The following TCF4 variants were observed in gnomAD, a reference collection of about 807,000 sequenced individuals.
TCF4 encodes transcription factor 4.
Under a neutral mutation model 82.1 loss-of-function variants are expected in TCF4, and 3 were observed. The observed-to-expected ratio is 0.04, with a 90% CI of 0.02 to 0.09. The LOEUF is 0.09. Ranked by LOEUF, TCF4 falls within the 10% of genes least tolerant of loss-of-function variation. The probability of loss-of-function intolerance (pLI) is 1.00; values close to 1 mark genes in which losing one functional copy is unlikely to be tolerated. For missense variants in TCF4, 518 were observed against 852.7 expected (o/e 0.61, Z 4.89); for synonymous variants, 276 against 309.6 (o/e 0.89, Z 1.14).
intron 3 of TCF4, among the ~76,000 whole-genome samples, chr18:55,524,283 C>T (rs995609617): frequency 1.3e-5 from 2 of 151,610 alleles, no homozygotes; most frequent in African/African-American, 2.4e-5. Context: ...CATTAATAAC[C>T]ACCTTATTAA....
intron 2 of TCF4, among the ~76,000 whole-genome samples, chr18:55,601,060 A>G (rs1419798019): frequency 6.6e-6 from 1 of 152,222 alleles, no homozygotes; most frequent in Non-Finnish European, 1.5e-5. Flanking sequence ...ATGCCTGTAT[A>G]TTCTTTCCAA....
chr18:55,472,781 C>T (rs1206246770), intron 3 of TCF4, among the ~76,000 whole-genome samples: 9 of 151,942 alleles, frequency 5.9e-5, no homozygotes, highest in Non-Finnish European at 1.3e-4. Context: ...CAACATTACA[C>T]AGATAAGTTT....
At chr18:55,314,199 C>T (rs564006944) in intron 8 of TCF4, among the ~76,000 whole-genome samples, 26 of 152,222 alleles carry the variant, frequency 1.7e-4, no homozygotes, top group African/African-American at 5.5e-4. Context: ...ACACATTTAT[C>T]CCAACCCCCA....
At position 55,223,483 on chromosome 18, in the gene TCF4, A is replaced by AGTT. The variant is rs1203607020; in HGVS notation, c.*4551_*4552insAAC. On this transcript the variant is annotated 3_prime_UTR_variant, in exon 20 of 20. Transcript: ENST00000354452. ...AAAATGGCACATTTATTGCTACAGA[A>AGTT]CGGTCATGTACATGACTTCATCGAA... is the stretch of plus-strand genomic sequence containing the variant. 6.6e-6 allele frequency: 1 copy of AGTT among 152,614 alleles called. No homozygotes were observed. The highest frequency in any genetic ancestry group is 1.5e-5 in the Non-Finnish European group (1 of 68,036). The allele number at this position is 152,614 out of a possible 1,614,324, so 9.5% of individuals were successfully genotyped here. A position where few individuals can be genotyped will look rare whatever the true frequency, so the allele number is the denominator to read the frequency against.
chr18:55,621,948 T>C (rs1173627219), intron 2 of TCF4, among the ~76,000 whole-genome samples: 2 of 124,858 alleles, frequency 1.6e-5, no homozygotes, highest in Admixed American at 1.0e-4. Flanking sequence ...ATACACTATA[T>C]ATATTATATA....
At chr18:55,370,757 G>T (rs1002701291) in intron 6 of TCF4, among the ~76,000 whole-genome samples, 2 of 152,082 alleles carry the variant, frequency 1.3e-5, no homozygotes, top group African/African-American at 4.8e-5. Flanking sequence ...AAATCAATTT[G>T]CACAAAAAAG....
intron 3 of TCF4, among the ~76,000 whole-genome samples, chr18:55,514,407 A>ACG (rs1223308817): frequency 8.7e-5 from 1 of 11,520 alleles, no homozygotes; most frequent in Non-Finnish European, 1.7e-4. Context: ...CTATCCATGC[A>ACG]CACACACACA....
intron 5 of TCF4, among the ~76,000 whole-genome samples, chr18:55,445,351 T>C (rs2095507337): frequency 2.0e-5 from 3 of 151,918 alleles, no homozygotes. Flanking sequence ...TTATAAATAA[T>C]TATAATTTAT....
At chr18:55,378,777 A>G (rs2091351728) in intron 6 of TCF4, among the ~76,000 whole-genome samples, 1 of 152,218 alleles carries the variant, frequency 6.6e-6, no homozygotes, top group Admixed American at 6.5e-5. Context: ...CTCTAGAAAA[A>G]AGCCAAAACA....
At chr18:55,534,682 G>A (rs963451939) in intron 3 of TCF4, among the ~76,000 whole-genome samples, 3 of 152,178 alleles carry the variant, frequency 2.0e-5, no homozygotes, top group Admixed American at 6.5e-5. Flanking sequence ...CTTCTCAAGT[G>A]AAACTGAAAA....
intron 3 of TCF4, among the ~76,000 whole-genome samples, chr18:55,549,079 T>C (rs899375909): frequency 1.3e-5 from 2 of 152,098 alleles, no homozygotes; most frequent in Non-Finnish European, 2.9e-5. Context: ...GGCAGGTGGA[T>C]CACTTGAGCT....
intron 2 of TCF4, among the ~76,000 whole-genome samples, chr18:55,616,503 T>C (rs890307023): frequency 7.2e-5 from 11 of 152,080 alleles, no homozygotes; most frequent in Non-Finnish European, 1.6e-4. Flanking sequence ...CTGGATCATA[T>C]GGTGTTTCTA....
chr18:55,391,262 G>A (rs539953306), intron 6 of TCF4, among the ~76,000 whole-genome samples: 1 of 152,188 alleles, frequency 6.6e-6, no homozygotes, highest in Non-Finnish European at 1.5e-5. Flanking sequence ...CCACATCCCA[G>A]GGATGGGACT....
chr18:55,528,920 A>C (rs1028564711), intron 3 of TCF4, among the ~76,000 whole-genome samples: 8 of 152,166 alleles, frequency 5.3e-5, no homozygotes, highest in Admixed American at 2.0e-4. Context: ...GCTCATGCCT[A>C]TAATCCCAGT....
At chr18:55,461,682 G>C (rs1201039429) in intron 4 of TCF4, among the ~76,000 whole-genome samples, 1 of 152,020 alleles carries the variant, frequency 6.6e-6, no homozygotes, top group African/African-American at 2.4e-5. Flanking sequence ...AGAATATTAG[G>C]GTTTAACTAG....
At chr18:55,589,283 A>G (rs781712395), upstream of TCF4, 4 of 1,051,616 alleles carry the variant, frequency 3.8e-6, no homozygotes, top group Non-Finnish European at 4.6e-6. Flanking sequence ...TCTGACGGCA[A>G]ATTGAAACGT....
chr18:55,232,650 C>A lies in TCF4; in HGVS notation c.1508G>T (p.Gly503Val). The change falls in exon 17 of 20, where the codon GGG (glycine) becomes GTG (valine). Residue 503 changes from glycine (G) to valine (V), a missense_variant. Physicochemically the swap from Gly to Val is moderately radical, Grantham distance 109 (BLOSUM62 -3). Around this residue, in one of 7 missense-constraint regions of TCF4, gnomAD observed 144 missense variants for 190.2 expected, o/e 0.76. Coordinates refer to ENST00000354452, the MANE Select transcript of TCF4 (RefSeq NM_001083962.2). ...PYRGMPPGLQ[G>V]QSVSSGSSEI... ...AGAGCTGCCAGAGGAGACACTCTGC[C>A]CCTGTAGTCCTGGTGGCATGCCTGC... is the stretch of plus-strand genomic sequence containing the variant. 1.2e-6 allele frequency: 2 copies of A among 1,614,134 alleles called. No homozygotes were observed. Among genetic ancestry groups the A allele is most frequent in the Non-Finnish European group, 8.5e-7 (1 of 1,180,014 alleles).
At chr18:55,397,169 T>C (rs1306985866) in intron 6 of TCF4, among the ~76,000 whole-genome samples, 3 of 152,214 alleles carry the variant, frequency 2.0e-5, no homozygotes, top group Non-Finnish European at 4.4e-5. Flanking sequence ...TGCCAAGTGA[T>C]TAAAGTTAGC....
At chr18:55,333,904 CCT>C (rs1489248826) in intron 8 of TCF4, among the ~76,000 whole-genome samples, 1 of 152,096 alleles carries the variant, frequency 6.6e-6, no homozygotes, top group Non-Finnish European at 1.5e-5. Context: ...AGAACTTTGC[CCT>C]GAGTTCACAA....
Sources: gnomAD v4.1 joint callset for allele counts (sites outside exome capture counted in the v4.1 genomes callset) on GRCh38, gnomAD v4.1.1 for gene constraint, gnomAD v4.1.1 regional missense constraint, MANE v1.5 for transcripts, NCBI Gene and HGNC (gene_info 2026-07-23, HGNC 2026-07-21) for gene names.